SYT14: variants seen among roughly 807,000 people sequenced by gnomAD.
SYT14 encodes the protein synaptotagmin 14, also known as synaptotagmin-14.
SYT14 carries 32 observed loss-of-function variants against 74.2 expected under a neutral mutation model. The observed-to-expected ratio is 0.43, with a 90% CI of 0.33 to 0.58. SYT14 has a LOEUF of 0.58. Among genes scored for constraint, SYT14 ranks in the 20% least tolerant of loss-of-function variants. The pLI is 0.05. For synonymous variants in SYT14, 298 were observed against 337.7 expected (o/e 0.88, Z 1.29); for missense variants, 791 against 981.8 (o/e 0.81, Z 2.60).
intron 7 of SYT14, among the ~76,000 whole-genome samples, chr1:210,125,598 T>C (rs2082553669): frequency 6.6e-6 from 1 of 152,200 alleles, no homozygotes. Context: ...AGGAGTCATT[T>C]CTGCAGAACT....
chr1:210,070,728 G>A (rs2081377414), intron 5 of SYT14, among the ~76,000 whole-genome samples: 1 of 151,980 alleles, frequency 6.6e-6, no homozygotes, highest in African/African-American at 2.4e-5. Flanking sequence ...TGTTGTATGT[G>A]GGCACAGAAG....
At chr1:210,161,123 G>A in exon 10 of SYT14, 1 of 1,458,270 alleles carries the variant, frequency 6.9e-7, no homozygotes, top group Admixed American at 1.7e-5. Flanking sequence ...AGTCCCATTA[G>A]AAGAGCTGTT....
chr1:210,124,425 A>G (rs1364868467), intron 7 of SYT14, among the ~76,000 whole-genome samples: 1 of 152,180 alleles, frequency 6.6e-6, no homozygotes, highest in Non-Finnish European at 1.5e-5. Context: ...TAAAAATACA[A>G]GGCAATGTGC....
chr1:210,074,699 C>G (rs1020457793), intron 5 of SYT14, among the ~76,000 whole-genome samples: 2 of 152,124 alleles, frequency 1.3e-5, no homozygotes, highest in African/African-American at 4.8e-5. Context: ...GTTCCCTTGT[C>G]CCCCTCTCAG....
intron 1 of SYT14, among the ~76,000 whole-genome samples, chr1:209,941,165 A>G (rs766195281): frequency 6.6e-6 from 1 of 152,162 alleles, no homozygotes; most frequent in Non-Finnish European, 1.5e-5. Flanking sequence ...GTGTAAACCT[A>G]TTTTATAACA....
intron 2 of SYT14, among the ~76,000 whole-genome samples, chr1:209,957,586 C>G (rs1225901108): frequency 6.6e-6 from 1 of 151,788 alleles, no homozygotes; most frequent in African/African-American, 2.4e-5. Context: ...ACCACCATGC[C>G]CGGCTAATTT....
At chr1:209,984,984 C>T (rs1241217978) in intron 2 of SYT14, among the ~76,000 whole-genome samples, 1 of 152,142 alleles carries the variant, frequency 6.6e-6, no homozygotes, top group Admixed American at 6.5e-5. Flanking sequence ...CCACCAGGCC[C>T]CACCTCCAAC....
At chr1:209,969,304 A>G (rs1572085254) in intron 2 of SYT14, among the ~76,000 whole-genome samples, 1 of 152,068 alleles carries the variant, frequency 6.6e-6, no homozygotes, top group Admixed American at 6.6e-5. Context: ...GTTTCAAGTT[A>G]TCTGAGAAAT....
chr1:210,141,947 T>G (rs1185778173), intron 7 of SYT14, among the ~76,000 whole-genome samples: 3 of 152,198 alleles, frequency 2.0e-5, no homozygotes, highest in Non-Finnish European at 4.4e-5. Flanking sequence ...TCCCTAGATT[T>G]TGCTCTTATT....
intron 5 of SYT14, among the ~76,000 whole-genome samples, chr1:210,063,649 T>G (rs1324528747): frequency 6.6e-6 from 1 of 151,894 alleles, no homozygotes; most frequent in African/African-American, 2.4e-5. Context: ...AATATTCTTA[T>G]GTTTTTATCC....
At position 210,034,082 on chromosome 1, in the gene SYT14, T is replaced by G. The variant is rs775757970; in HGVS notation, c.1312+12828T>G. Among the ~76,000 whole-genome samples, 18 of 151,990 alleles carry G rather than the reference T, an allele frequency of 1.2e-4. No homozygotes were observed. The Middle Eastern group carries it at 0.02, about 172-fold the overall frequency. On this transcript the variant is annotated intron_variant, in intron 5 of 9. Coordinates refer to ENST00000637265, the Ensembl canonical transcript of SYT14. ...TGAATGATTATGTGGTAAACACTAT[T>G]GTAAACATTTTACATAAATTAACTA...
chr1:209,982,533 T>C (rs546434374), intron 2 of SYT14, among the ~76,000 whole-genome samples: 1 of 151,776 alleles, frequency 6.6e-6, no homozygotes, highest in South Asian at 2.1e-4. Context: ...AACTCATTTG[T>C]TTTTAACACT....
At chr1:210,161,100 A>G in exon 10 of SYT14, 4 of 1,557,360 alleles carry the variant, frequency 2.6e-6, no homozygotes, top group Non-Finnish European at 2.6e-6. Context: ...TTCCAACATT[A>G]CTGTTTCTAC....
chr1:210,157,353 G>A (rs2083289189), intron 8 of SYT14, among the ~76,000 whole-genome samples: 1 of 151,678 alleles, frequency 6.6e-6, no homozygotes, highest in Non-Finnish European at 1.5e-5. Flanking sequence ...GAGGTGGAAG[G>A]ATCGCTTGAG....
intron 5 of SYT14, among the ~76,000 whole-genome samples, chr1:210,062,456 G>A (rs1315400828): frequency 3.3e-5 from 5 of 151,788 alleles, no homozygotes; most frequent in African/African-American, 1.2e-4. Flanking sequence ...GCACAATAAT[G>A]TGCAAATGAA....
At chr1:210,064,684 C>T (rs776372440) in intron 5 of SYT14, among the ~76,000 whole-genome samples, 3 of 151,988 alleles carry the variant, frequency 2.0e-5, no homozygotes, top group Non-Finnish European at 2.9e-5. Flanking sequence ...TCTTGAGTTG[C>T]TTCTACCTTT....
chr1:209,961,226 A>C (rs536694574), intron 2 of SYT14, among the ~76,000 whole-genome samples: 11 of 152,198 alleles, frequency 7.2e-5, no homozygotes, highest in Admixed American at 5.2e-4. Context: ...AAGTGTCTGA[A>C]ATGTAGGTGA....
intron 5 of SYT14, among the ~76,000 whole-genome samples, chr1:210,061,243 G>A (rs1020196936): frequency 6.6e-6 from 1 of 151,922 alleles, no homozygotes; most frequent in Non-Finnish European, 1.5e-5. Context: ...GGACTAATAC[G>A]AAATTTTCAT....
chr1:209,961,658 T>C (rs1158311350), intron 2 of SYT14, among the ~76,000 whole-genome samples: 1 of 152,124 alleles, frequency 6.6e-6, no homozygotes, highest in Non-Finnish European at 1.5e-5. Context: ...GTACATATTA[T>C]TATTATCTTA....
Sources: gnomAD v4.1 joint callset for allele counts (sites outside exome capture counted in the v4.1 genomes callset) on GRCh38, gnomAD v4.1.1 for gene constraint, MANE v1.5 for transcripts, NCBI Gene and HGNC (gene_info 2026-07-23, HGNC 2026-07-21) for gene names.